Variants in NR1H4 observed in about 807,000 individuals in gnomAD.
NR1H4 encodes nuclear receptor subfamily 1 group H member 4.
In NR1H4, 23 loss-of-function variants were observed where a neutral mutation model predicts 58.5. The observed-to-expected ratio is 0.39, with a 90% CI of 0.28 to 0.56. NR1H4 has a LOEUF of 0.56. NR1H4 is among the 20% of genes least tolerant of loss of function. The probability of loss-of-function intolerance (pLI) is 0.58; values close to 1 mark genes in which losing one functional copy is unlikely to be tolerated. For synonymous variants in NR1H4, 214 were observed against 198.0 expected (o/e 1.08, Z -0.68); for missense variants, 487 against 576.9 (o/e 0.84, Z 1.60).
intron 3 of NR1H4, chr12:100,505,648 C>A (rs1348600428): frequency 1.4e-6 from 1 of 700,610 alleles, no homozygotes; most frequent in East Asian, 2.7e-5. Context: ...CCATGGAGAA[C>A]CGTCACAAAG....
chr12:100,553,701 CCAT>C (rs1275371973), intron 9 of NR1H4, among the ~76,000 whole-genome samples: 1 of 152,196 alleles, frequency 6.6e-6, no homozygotes, highest in Non-Finnish European at 1.5e-5. Context: ...GCAGAACCCA[CCAT>C]CGGAAACACA....
In NR1H4 at chr12:100,563,376, C is replaced by T. The variant is rs1411402078; in HGVS notation, c.1318C>T (p.Arg440Cys). 1.5e-5 allele frequency: 25 copies of T among 1,613,922 alleles called. No individual in the cohort carries two copies. Among genetic ancestry groups the T allele is most frequent in the African/African-American group, 2.7e-5 (2 of 74,870 alleles). The change falls in exon 11 of 11, where the codon CGC (arginine) becomes TGC (cysteine). Residue 440 changes from arginine to cysteine, a missense_variant. Coordinates refer to ENST00000392986, the MANE Select transcript of NR1H4 (RefSeq NM_001206979.2). ...TCAACACTTTGCCTGTCTCCTGGGT[C>T]GCCTGACTGAATTACGGACATTCAA... ...NPQHFACLLG[R>C]LTELRTFNHH...
At chr12:100,526,578 A>T (rs1488654056) in intron 4 of NR1H4, among the ~76,000 whole-genome samples, 1 of 152,206 alleles carries the variant, frequency 6.6e-6, no homozygotes, top group African/African-American at 2.4e-5. Context: ...TTCCTCCAGG[A>T]TCGTGCGCAA....
intron 9 of NR1H4, among the ~76,000 whole-genome samples, chr12:100,541,406 C>T (rs995191889): frequency 3.3e-5 from 5 of 151,440 alleles, no homozygotes; most frequent in South Asian, 2.1e-4. Flanking sequence ...CTCAGCCTCC[C>T]GAGTAGCCAG....
intron 4 of NR1H4, among the ~76,000 whole-genome samples, chr12:100,512,943 T>A (rs893943896): frequency 6.6e-6 from 1 of 152,220 alleles, no homozygotes; most frequent in African/African-American, 2.4e-5. Context: ...ATGATCAGAT[T>A]GTGTAAAGCC....
chr12:100,479,709 T>C (rs1953339419), intron 1 of NR1H4, among the ~76,000 whole-genome samples: 1 of 152,248 alleles, frequency 6.6e-6, no homozygotes, highest in Non-Finnish European at 1.5e-5. Flanking sequence ...CTCCTTACCA[T>C]GGCCAACAGG....
chr12:100,545,093 C>G lies in NR1H4; in HGVS notation c.1078+4275C>G, dbSNP rs74809566. Among the ~76,000 whole-genome samples, 991 of 152,190 alleles carry G rather than the reference C, an allele frequency of 6.5e-3. 13 individuals carry two copies. Among genetic ancestry groups the G allele is most frequent in the African/African-American group, 0.022 (904 of 41,526 alleles). On this transcript the variant is annotated intron_variant, in intron 9 of 10. Transcript: ENST00000392986. Reference sequence around the variant, plus strand: ...TGGTGGTTGTTCTATCTTTCTTTCTCTGTCTCTTTTTCTCTCCTGGATGCT... The same window carrying G: ...TGGTGGTTGTTCTATCTTTCTTTCTGTGTCTCTTTTTCTCTCCTGGATGCT...
At chr12:100,503,796 G>A (rs1050393055) in intron 3 of NR1H4, among the ~76,000 whole-genome samples, 3 of 151,930 alleles carry the variant, frequency 2.0e-5, no homozygotes, top group Non-Finnish European at 4.4e-5. Flanking sequence ...TAATATCAAT[G>A]GACACTTGAA....
chr12:100,484,404 C>G lies in NR1H4; in HGVS notation c.-189-8099C>G, dbSNP rs1396581491. On this transcript the variant is annotated intron_variant, in intron 1 of 10. Transcript: ENST00000392986. Reference sequence around the variant, plus strand: ...TATCTAAATAAGTAAATATTGATAACCAGAAAGTGGGAGTCCAAGCTACCA... The same window carrying G: ...TATCTAAATAAGTAAATATTGATAAGCAGAAAGTGGGAGTCCAAGCTACCA... 1.3e-5 allele frequency among the ~76,000 whole-genome samples: 2 copies of G among 152,094 alleles called. 1 individual carries two copies. The highest frequency in any genetic ancestry group is 4.1e-4 in the South Asian group (2 of 4,822).
At chr12:100,521,405 A>G (rs1015322891) in intron 4 of NR1H4, among the ~76,000 whole-genome samples, 7 of 152,344 alleles carry the variant, frequency 4.6e-5, no homozygotes, top group Middle Eastern at 3.4e-3. Flanking sequence ...AGTGCAGCAT[A>G]TGGAAATGTG....
At chr12:100,524,130 G>A (rs776157013) in intron 4 of NR1H4, among the ~76,000 whole-genome samples, 12 of 152,080 alleles carry the variant, frequency 7.9e-5, no homozygotes, top group Admixed American at 2.6e-4. Flanking sequence ...AAGAAAAAAT[G>A]TTTAAAGCAA....
chr12:100,539,846 G>C (rs532206871), intron 8 of NR1H4, among the ~76,000 whole-genome samples: 1 of 152,320 alleles, frequency 6.6e-6, no homozygotes, highest in South Asian at 2.1e-4. Context: ...GACTAGTAGT[G>C]GTGGGGAGTG....
At chr12:100,493,193 C>G (rs56982562) in intron 2 of NR1H4, 77 bp from the exon 3 acceptor site, 3 of 682,514 alleles carry the variant, frequency 4.4e-6, no homozygotes, top group African/African-American at 1.8e-5. Flanking sequence ...TAAACTATCT[C>G]GCTGTCTCCT....
intron 9 of NR1H4, among the ~76,000 whole-genome samples, chr12:100,541,224 T>A (rs953178021): frequency 6.6e-6 from 1 of 152,178 alleles, no homozygotes; most frequent in Non-Finnish European, 1.5e-5. Context: ...AGAAGACATT[T>A]TAATAGCAAC....
rs1955525409 is a variant in NR1H4 at position 100,563,753 on chromosome 12, A to G, written c.*264A>G. The G allele has an allele frequency of 4.4e-6, 2 of 451,092 alleles. No individual in the cohort carries two copies. Among genetic ancestry groups the G allele is most frequent in the South Asian group, 3.4e-5 (1 of 29,364 alleles). 27.9% of individuals were successfully genotyped at this position (451,092 alleles called of 1,614,324 possible). A position where few individuals can be genotyped will look rare whatever the true frequency, so the allele number is the denominator to read the frequency against. On this transcript the variant is annotated 3_prime_UTR_variant, in exon 11 of 11. Transcript: ENST00000392986. Reference sequence around the variant, plus strand: ...CCTAATTAAATTGATTGTTACTTCAATTCTATCTGTTGAACTAGGGAAAAT... The same window carrying G: ...CCTAATTAAATTGATTGTTACTTCAGTTCTATCTGTTGAACTAGGGAAAAT...
chr12:100,495,086 G>A (rs1795787275), intron 3 of NR1H4, among the ~76,000 whole-genome samples: 2 of 152,212 alleles, frequency 1.3e-5, no homozygotes, highest in Admixed American at 1.3e-4. Flanking sequence ...GATGCCGTCA[G>A]GTTAGAAGCA....
At chr12:100,492,092 A>G (rs931352347) in intron 1 of NR1H4, among the ~76,000 whole-genome samples, 1 of 152,214 alleles carries the variant, frequency 6.6e-6, no homozygotes, top group African/African-American at 2.4e-5. Context: ...TTTATCTTCA[A>G]ATATCTAGCA....
At position 100,536,604 on chromosome 12, in the gene NR1H4, T is replaced by C; in HGVS notation, c.825T>C (p.Asn275=). 1 of 1,489,656 alleles carries C rather than the reference T, an allele frequency of 6.7e-7. No individual in the cohort carries two copies. The highest frequency in any genetic ancestry group is 9.4e-7 in the Non-Finnish European group (1 of 1,066,908). The allele number at this position is 1,489,656 out of a possible 1,614,324, so 92.3% of individuals were successfully genotyped here. The change falls in exon 7 of 11, where the codon AAT becomes AAC. Residue 275 remains asparagine, a synonymous_variant. Transcript: ENST00000392986. The part of the protein sequence containing the change: ...NKQRMPQEIT[N]KILKEEFSAE... The stretch of plus-strand genomic sequence containing the variant: ...AGAGGATGCCTCAGGAAATAACAAA[T>C]AAAATTGTATGTATAATATCTGAAA...
intron 9 of NR1H4, among the ~76,000 whole-genome samples, chr12:100,544,207 A>G (rs558416391): frequency 1.0e-4 from 15 of 147,062 alleles, no homozygotes; most frequent in African/African-American, 3.9e-4. Flanking sequence ...AGCCGAGATC[A>G]CGCCACTGTA....
Sources: gnomAD v4.1 joint callset for allele counts (sites outside exome capture counted in the v4.1 genomes callset) on GRCh38, gnomAD v4.1.1 for gene constraint, MANE v1.5 for transcripts, NCBI Gene and HGNC (gene_info 2026-07-23, HGNC 2026-07-21) for gene names.